Variants in SEPTIN14 observed in about 807,000 individuals in gnomAD.
The protein encoded by SEPTIN14 is septin 14.
Under a neutral mutation model 53.6 loss-of-function variants are expected in SEPTIN14, and 40 were observed. The observed-to-expected ratio is 0.75, with a 90% confidence interval of 0.58 to 0.97. The LOEUF is 0.97. Among genes scored for constraint, SEPTIN14 ranks in the 50% least tolerant of loss-of-function variants. The probability of loss-of-function intolerance (pLI) is 0.00; values close to 1 mark genes in which losing one functional copy is unlikely to be tolerated. For missense variants in SEPTIN14, 471 were observed against 508.2 expected, an observed-to-expected ratio of 0.93 and a Z score of 0.70; for synonymous variants, 138 against 166.8, an observed-to-expected ratio of 0.83 and a Z score of 1.33.
chr7:55,815,040 G>A (rs1454818329), intron 7 of SEPTIN14, among the ~76,000 whole-genome samples: 1 of 152,020 alleles, frequency 6.6e-6, no homozygotes, highest in Admixed American at 6.6e-5. Context: ...CATACATTGG[G>A]GAAAGGATAA....
At chr7:55,824,545 G>A (rs1177297367) in intron 6 of SEPTIN14, among the ~76,000 whole-genome samples, 1 of 152,014 alleles carries the variant, frequency 6.6e-6, no homozygotes, top group African/African-American at 2.4e-5. Flanking sequence ...CACTTTGGAA[G>A]GCTGAGGTAG....
At chr7:55,806,261 A>T (rs1360918089) in intron 8 of SEPTIN14, among the ~76,000 whole-genome samples, 1 of 152,014 alleles carries the variant, frequency 6.6e-6, no homozygotes, top group Non-Finnish European at 1.5e-5. Context: ...TCGGTTTCCC[A>T]AAGTGCTGGG....
At chr7:55,840,646 T>C (rs927147498) in intron 5 of SEPTIN14, among the ~76,000 whole-genome samples, 1 of 152,130 alleles carries the variant, frequency 6.6e-6, no homozygotes, top group African/African-American at 2.4e-5. Flanking sequence ...CCTCCAAGAC[T>C]GTAGGAAAAT....
chr7:55,832,765 C>A (rs1392829361), intron 6 of SEPTIN14, among the ~76,000 whole-genome samples: 1 of 151,720 alleles, frequency 6.6e-6, no homozygotes, highest in Non-Finnish European at 1.5e-5. Context: ...GGGAGGAGGC[C>A]GATGGTCAAA....
chr7:55,852,524 T>C (rs756740011), intron 2 of SEPTIN14, among the ~76,000 whole-genome samples: 2 of 152,108 alleles, frequency 1.3e-5, no homozygotes, highest in African/African-American at 2.4e-5. Context: ...TCTTATCATA[T>C]ATAAAAATCA....
In SEPTIN14 at chr7:55,844,684, G is replaced by A. The variant is rs753925624; in HGVS notation, c.210C>T (p.Asp70=). 1 of 1,604,316 alleles carries A rather than the reference G, an allele frequency of 6.2e-7. No homozygotes were observed. Among genetic ancestry groups the A allele is most frequent in the East Asian group, 2.2e-5 (1 of 44,760 alleles). ...CTTTCAAGTTAGTATTAAACAATGT[G>A]TCTATCAGTGTCGATTTTCCAATTC... The part of the protein sequence containing the change: ...ETGIGKSTLI[D]TLFNTNLKDN... The change falls in exon 4 of 10, where the codon GAC becomes GAT. Residue 70 remains aspartate (D), a synonymous_variant. Coordinates refer to ENST00000388975, the MANE Select transcript of SEPTIN14 (RefSeq NM_207366.3).
intron 2 of SEPTIN14, among the ~76,000 whole-genome samples, chr7:55,860,442 G>A (rs762213388): frequency 4.2e-4 from 64 of 152,190 alleles, no homozygotes; most frequent in Non-Finnish European, 6.5e-4. Context: ...CAGTTAGGCA[G>A]AAGAAATAAG....
intron 3 of SEPTIN14, among the ~76,000 whole-genome samples, chr7:55,846,316 C>G (rs1339095063): frequency 2.0e-5 from 3 of 151,426 alleles, no homozygotes; most frequent in Non-Finnish European, 2.9e-5. Context: ...CATAATCACA[C>G]CATTGCACTC....
intron 9 of SEPTIN14, among the ~76,000 whole-genome samples, chr7:55,799,472 C>T (rs1325113824): frequency 7.2e-6 from 1 of 138,038 alleles, no homozygotes; most frequent in Non-Finnish European, 1.5e-5. Flanking sequence ...GAGCTGAGAT[C>T]GTGCCACTGT....
chr7:55,854,005 C>T (rs1789563687), intron 2 of SEPTIN14, among the ~76,000 whole-genome samples: 1 of 151,946 alleles, frequency 6.6e-6, no homozygotes, highest in South Asian at 2.1e-4. Context: ...CTCGTCGTCC[C>T]AGCTACTCTG....
At chr7:55,826,056 C>T (rs1014265646) in intron 6 of SEPTIN14, among the ~76,000 whole-genome samples, 15 of 150,982 alleles carry the variant, frequency 9.9e-5, no homozygotes, top group East Asian at 9.8e-4. Flanking sequence ...GAGCCGAGAT[C>T]GAGCCACTGC....
At chr7:55,806,703 T>G (rs967337416) in intron 8 of SEPTIN14, among the ~76,000 whole-genome samples, 1 of 151,878 alleles carries the variant, frequency 6.6e-6, no homozygotes, top group Non-Finnish European at 1.5e-5. Flanking sequence ...CCTTAGATGA[T>G]CCGCCCGCCT....
At chr7:55,853,843 G>A (rs1789559971) in intron 2 of SEPTIN14, among the ~76,000 whole-genome samples, 1 of 152,100 alleles carries the variant, frequency 6.6e-6, no homozygotes, top group Non-Finnish European at 1.5e-5. Context: ...GGCTGAGCGT[G>A]GTGGCTCATG....
chr7:55,798,525 C>G, intron 9 of SEPTIN14: 1 of 331,648 alleles, frequency 3.0e-6, no homozygotes, highest in South Asian at 2.9e-5. Flanking sequence ...TGATGTCAGG[C>G]CCAGTCTCTC....
At chr7:55,819,654 C>A (rs1405143279) in intron 6 of SEPTIN14, among the ~76,000 whole-genome samples, 2 of 152,140 alleles carry the variant, frequency 1.3e-5, no homozygotes, top group African/African-American at 4.8e-5. Context: ...ATCTACCCTG[C>A]ATCTCATTTT....
intron 7 of SEPTIN14, chr7:55,811,504 T>A: frequency 3.0e-6 from 1 of 330,582 alleles, no homozygotes; most frequent in East Asian, 7.3e-5. Flanking sequence ...TTCTTTTTTT[T>A]TTTTTTTTTT....
chr7:55,837,266 CTGCCA>C (rs1789228613), intron 5 of SEPTIN14, among the ~76,000 whole-genome samples: 1 of 151,930 alleles, frequency 6.6e-6, no homozygotes, highest in African/African-American at 2.4e-5. Context: ...CAGGCACGTG[CTGCCA>C]TGCCTGGCTA....
At position 55,823,497 on chromosome 7, in the gene SEPTIN14, T is replaced by A. The variant is rs145672460; in HGVS notation, c.721-4274A>T. On this transcript the variant is annotated intron_variant, in intron 6 of 9. Coordinates refer to ENST00000388975, the MANE Select transcript of SEPTIN14 (RefSeq NM_207366.3). ...GGGACAAGAGCTCATGAACTGCTGA[T>A]CTCAGATAGAAGCTTTAACACAGGC... 1.9e-4 allele frequency among the ~76,000 whole-genome samples: 29 copies of A among 152,234 alleles called. No individual in the cohort carries two copies. The East Asian group carries it at 5.4e-3, about 29-fold the overall frequency.
chr7:55,840,452 G>A (rs1302936668), intron 5 of SEPTIN14, among the ~76,000 whole-genome samples: 4 of 151,858 alleles, frequency 2.6e-5, no homozygotes, highest in Non-Finnish European at 5.9e-5. Flanking sequence ...TTGCACCACT[G>A]TACTCCAGCC....
Sources: gnomAD v4.1 joint callset for allele counts (sites outside exome capture counted in the v4.1 genomes callset) on GRCh38, gnomAD v4.1.1 for gene constraint, MANE v1.5 for transcripts, NCBI Gene and HGNC (gene_info 2026-07-23, HGNC 2026-07-21) for gene names.